Variants in SPTBN2 observed in about 807,000 individuals in gnomAD.
SPTBN2 encodes the protein spectrin beta chain, non-erythrocytic 2.
SPTBN2 carries 107 observed loss-of-function variants against 284.2 expected under a neutral mutation model. The ratio of observed to expected loss-of-function variants is 0.38; its 90% CI spans 0.32 to 0.44. The LOEUF is 0.44. SPTBN2 is among the 20% of genes least tolerant of loss of function. The probability of loss-of-function intolerance (pLI) is 1.00; values close to 1 mark genes in which losing one functional copy is unlikely to be tolerated. For synonymous variants in SPTBN2, 1,289 were observed against 1,354.8 expected, an observed-to-expected ratio of 0.95 and a Z score of 1.07; for missense variants, 2,569 against 3,287.1, an observed-to-expected ratio of 0.78 and a Z score of 5.34.
intron 5 of SPTBN2, among the ~76,000 whole-genome samples, chr11:66,714,885 A>G (rs1414460360): frequency 6.6e-6 from 1 of 152,076 alleles, no homozygotes; most frequent in Admixed American, 6.5e-5. Context: ...CAGACCCTCT[A>G]GAAGTTCCCA....
chr11:66,725,468 T>A (rs1942581872), intron 1 of SPTBN2, among the ~76,000 whole-genome samples: 1 of 152,188 alleles, frequency 6.6e-6, no homozygotes, highest in Non-Finnish European at 1.5e-5. Flanking sequence ...ACTGAGTAGA[T>A]CATTCCTCAC....
In SPTBN2 at chr11:66,687,838, TATC is replaced by T. The variant is rs759959269; in HGVS notation, c.6501+27_6501+29del. The T allele has an allele frequency of 2.5e-6, 4 of 1,613,980 alleles. No homozygotes were observed. The South Asian group carries it at 4.4e-5, about 18-fold the overall frequency. On this transcript the variant is annotated intron_variant, in intron 34 of 37. Transcript: ENST00000533211. This position sits in a 1 kb window ranked among gnomAD's most constrained non-coding sequence, Gnocchi z 5.2. Reference sequence around the variant, plus strand: ...CCCTCTGGACCCTTCGCCTCACAGTTATCAACACCACACTTGCAGGGGAACTCA... The same window carrying T: ...CCCTCTGGACCCTTCGCCTCACAGTTAACACCACACTTGCAGGGGAACTCA...
intron 1 of SPTBN2, chr11:66,744,514 G>A: frequency 5.3e-6 from 1 of 189,700 alleles, no homozygotes; most frequent in Non-Finnish European, 1.1e-5. Context: ...GGAGGGAGGA[G>A]TCGTGGCCTG....
intron 31 of SPTBN2, 143 bp downstream of exon 31, chr11:66,688,510 G>A: frequency 6.9e-7 from 1 of 1,453,856 alleles, no homozygotes; most frequent in Non-Finnish European, 9.3e-7. Context: ...CCTCCTAAAG[G>A]TGTGGTGACA....
chr11:66,734,958 C>T (rs750079865), intron 1 of SPTBN2, among the ~76,000 whole-genome samples: 1 of 152,224 alleles, frequency 6.6e-6, no homozygotes, highest in Non-Finnish European at 1.5e-5. Flanking sequence ...TTTGTAGATG[C>T]ACTGCCCTCT....
At chr11:66,724,815 G>A (rs535896502) in intron 1 of SPTBN2, among the ~76,000 whole-genome samples, 3 of 152,184 alleles carry the variant, frequency 2.0e-5, no homozygotes, top group Non-Finnish European at 2.9e-5. Context: ...CTACCTACCC[G>A]AGTCTCACCA....
intron 21 of SPTBN2, among the ~76,000 whole-genome samples, chr11:66,695,853 C>T (rs1940878086): frequency 6.6e-6 from 1 of 152,118 alleles, no homozygotes; most frequent in African/African-American, 2.4e-5. Context: ...CCTCAGCCCT[C>T]AGCCTCCCAA....
intron 20 of SPTBN2, among the ~76,000 whole-genome samples, chr11:66,697,356 A>C (rs905715198): frequency 6.6e-6 from 1 of 152,136 alleles, no homozygotes; most frequent in Non-Finnish European, 1.5e-5. Flanking sequence ...GGCTGTCAGG[A>C]TGGAGAGCAT....
chr11:66,743,042 C>T (rs1942910106), intron 1 of SPTBN2, among the ~76,000 whole-genome samples: 1 of 147,348 alleles, frequency 6.8e-6, no homozygotes, highest in Non-Finnish European at 1.5e-5. Flanking sequence ...TGGGGTCCGA[C>T]AACAAGCAGT....
chr11:66,720,614 A>C (rs980704504), intron 3 of SPTBN2, among the ~76,000 whole-genome samples: 3 of 152,114 alleles, frequency 2.0e-5, no homozygotes, highest in African/African-American at 7.2e-5. Context: ...AGATGAGATA[A>C]TGGGAGTAAC....
intron 15 of SPTBN2, among the ~76,000 whole-genome samples, chr11:66,702,055 C>A (rs1250578975): frequency 2.0e-5 from 3 of 152,218 alleles, no homozygotes; most frequent in African/African-American, 7.2e-5. Context: ...GGGACTTCCC[C>A]CTTAGCTGCC....
chr11:66,693,131 A>C lies in SPTBN2; in HGVS notation c.4855-31T>G. The C allele has an allele frequency of 3.1e-6, 5 of 1,614,198 alleles. No homozygotes were observed. The highest frequency in any genetic ancestry group is 1.3e-5 in the African/African-American group (1 of 75,050). On this transcript the variant is annotated intron_variant, in intron 24 of 37. Transcript: ENST00000533211. The surrounding 1 kb of genome is among the most constrained non-coding windows in gnomAD (Gnocchi z 5.7). Reference sequence around the variant, plus strand: ...GGAAGGGACAGTGGCATCCAGCATCAGGTCAGGGGAGGGCAGAACTGGTCA... The same window carrying C: ...GGAAGGGACAGTGGCATCCAGCATCCGGTCAGGGGAGGGCAGAACTGGTCA...
chr11:66,708,845 A>G lies in SPTBN2; in HGVS notation c.1191+57T>C. 1.4e-6 allele frequency: 2 copies of G among 1,438,126 alleles called. No homozygotes were observed. The highest frequency in any genetic ancestry group is 2.0e-6 in the Non-Finnish European group (2 of 1,022,194). 89.1% of individuals were successfully genotyped at this position (1,438,126 alleles called of 1,614,324 possible). On this transcript the variant is annotated intron_variant, in intron 11 of 37. Transcript: ENST00000533211. The surrounding 1 kb of genome is among the most constrained non-coding windows in gnomAD (Gnocchi z 4.4). ...TGGCCCCGGGTTTGGGGATGTGTGCAAGGCATCTGGGCCAGGGCCTGCCCT... is the reference window on the plus strand; with the variant it reads ...TGGCCCCGGGTTTGGGGATGTGTGCGAGGCATCTGGGCCAGGGCCTGCCCT...
chr11:66,711,094 C>A, intron 8 of SPTBN2, 65 bp from the exon 9 acceptor site: 1 of 1,379,118 alleles, frequency 7.3e-7, no homozygotes, highest in Non-Finnish European at 1.0e-6. Context: ...ATCACTTACC[C>A]CAAACCCTGG....
rs974669652 is a variant in SPTBN2 at position 66,685,653 on chromosome 11, A to T, written c.*218T>A. On this transcript the variant is annotated 3_prime_UTR_variant, in exon 38 of 38. Coordinates refer to ENST00000533211, the MANE Select transcript of SPTBN2 (RefSeq NM_006946.4). This position sits in a 1 kb window ranked among gnomAD's most constrained non-coding sequence, Gnocchi z 4.4. ...GTCGGCGGGGGTGGGAGAGGGGGTT[A>T]CCTGGGTCCCACCACCAGTCTGGAA... The T allele has an allele frequency of 7.0e-6, 4 of 575,356 alleles. No homozygotes were observed. Among genetic ancestry groups the T allele is most frequent in the Non-Finnish European group, 1.3e-5 (4 of 319,044 alleles). 35.6% of individuals were successfully genotyped at this position (575,356 alleles called of 1,614,324 possible). A position where few individuals can be genotyped will look rare whatever the true frequency, so the allele number is the denominator to read the frequency against.
At chr11:66,714,922 T>C (rs1942066706) in intron 5 of SPTBN2, among the ~76,000 whole-genome samples, 3 of 152,098 alleles carry the variant, frequency 2.0e-5, no homozygotes, top group Admixed American at 2.0e-4. Context: ...GACCAGTTGG[T>C]AAAACTTCCA....
chr11:66,702,286 T>C lies in SPTBN2; in HGVS notation c.2679-565A>G, dbSNP rs145632665. Among the ~76,000 whole-genome samples, 227 of 152,276 alleles carry C rather than the reference T, an allele frequency of 1.5e-3. 3 individuals carry two copies. The East Asian group carries it at 0.035, about 24-fold the overall frequency. On this transcript the variant is annotated intron_variant, in intron 15 of 37. Coordinates refer to ENST00000533211, the MANE Select transcript of SPTBN2 (RefSeq NM_006946.4). ...GGTTCAAGCAATTTTCTGCCTCCGCTTCCCGAATAGCTGGGATTACAGGTG... is the reference window on the plus strand; with the variant it reads ...GGTTCAAGCAATTTTCTGCCTCCGCCTCCCGAATAGCTGGGATTACAGGTG...
rs1385628915 is a variant in SPTBN2, at chr11:66,701,071, C to T, written c.3028G>A (p.Ala1010Thr). Residue 1010 changes from alanine (A) to threonine (T), a missense_variant, in exon 17 of 38, where the codon GCC (alanine) becomes ACC (threonine). By Grantham distance (58) the Ala-to-Thr change is moderately conservative (BLOSUM62 0). This residue lies in a region of SPTBN2 where 1,012 missense variants were observed against 1,248.9 expected (regional missense o/e 0.81). Transcript: ENST00000533211. ...AGTTCGCCCACCCGGGCGGCGATGG[C>T]CTCCAGGTCCCGCTCCGTGCCGGCC... ...KLAGTERDLE[A>T]IAARVGELTR... 1 of 1,611,428 alleles carries T rather than the reference C, an allele frequency of 6.2e-7. No individual in the cohort carries two copies. Among genetic ancestry groups the T allele is most frequent in the Non-Finnish European group, 8.5e-7 (1 of 1,179,936 alleles).
intron 27 of SPTBN2, chr11:66,690,496 G>A (rs1312312552): frequency 3.2e-6 from 2 of 634,888 alleles, no homozygotes; most frequent in South Asian, 2.2e-5. Flanking sequence ...GCTTAACTGG[G>A]GGAGGATCTG....
Sources: gnomAD v4.1 joint callset for allele counts (sites outside exome capture counted in the v4.1 genomes callset) on GRCh38, gnomAD v4.1.1 for gene constraint, gnomAD v4.1.1 regional missense constraint, Gnocchi (gnomAD v3.1) non-coding constraint, MANE v1.5 for transcripts, NCBI Gene and HGNC (gene_info 2026-07-23, HGNC 2026-07-21) for gene names.